SLC1A3: variants seen among roughly 807,000 people sequenced by gnomAD.
The protein encoded by SLC1A3 is solute carrier family 1 member 3, also known as excitatory amino acid transporter 1.
SLC1A3 carries 21 observed loss-of-function variants against 48.1 expected under a neutral mutation model. That is an observed-to-expected ratio of 0.44 (90% CI 0.31 to 0.63). The LOEUF is 0.63. SLC1A3 is among the 20% of genes least tolerant of loss of function. SLC1A3 has a pLI of 0.08. For synonymous variants in SLC1A3, 239 were observed against 251.4 expected (o/e 0.95, Z 0.47); for missense variants, 546 against 689.0 (o/e 0.79, Z 2.32).
At chr5:36,651,945 C>T (rs968312345) in intron 3 of SLC1A3, among the ~76,000 whole-genome samples, 1 of 152,166 alleles carries the variant, frequency 6.6e-6, no homozygotes, top group African/African-American at 2.4e-5. Context: ...GAAAGTATTA[C>T]ACTGCTTCCC....
At chr5:36,613,010 C>T (rs1739272319) in intron 2 of SLC1A3, 1 of 356,454 alleles carries the variant, frequency 2.8e-6, no homozygotes, top group Admixed American at 3.4e-5. Flanking sequence ...CAATGGCCCG[C>T]TTTCTGGTTT....
At chr5:36,597,395 C>T (rs557757941) in intron 1 of SLC1A3, among the ~76,000 whole-genome samples, 195 of 151,652 alleles carry the variant, frequency 1.3e-3, no homozygotes, top group Non-Finnish European at 2.0e-3. Context: ...AGGGGCACGC[C>T]GCCACGCCCG....
intron 3 of SLC1A3, among the ~76,000 whole-genome samples, chr5:36,651,420 G>A (rs1741066719): frequency 6.6e-6 from 1 of 152,076 alleles, no homozygotes; most frequent in Non-Finnish European, 1.5e-5. Context: ...AAGGTAGCAT[G>A]TTCTTCCTAA....
intron 3 of SLC1A3, among the ~76,000 whole-genome samples, chr5:36,636,990 G>A (rs1274385117): frequency 6.6e-6 from 1 of 152,088 alleles, no homozygotes; most frequent in East Asian, 1.9e-4. Context: ...GTGTTATTTG[G>A]CACAATTAGG....
rs1038146073 is a variant in SLC1A3, at chr5:36,683,911, C to T, written c.1337C>T (p.Ala446Val). The T allele has an allele frequency of 1.9e-6, 3 of 1,614,048 alleles. No individual in the cohort carries two copies. The highest frequency in any genetic ancestry group is 2.7e-5 in the African/African-American group (2 of 74,924). Residue 446 changes from alanine (A) to valine (V), a missense_variant, in exon 9 of 10, where the codon GCG becomes GTG. Ala to Val is a moderately conservative substitution (Grantham distance 64, BLOSUM62 0). This residue lies in a region of SLC1A3 where 142 missense variants were observed against 238.0 expected (regional missense o/e 0.60). Transcript: ENST00000265113. ...ASIGAAGIPQAGLVTMVIVLT... is the reference protein window; with the variant it reads ...ASIGAAGIPQVGLVTMVIVLT... ...ATTGGGGCAGCTGGAATTCCTCAGG[C>T]GGGCCTGGTCACTATGGTCATTGTG...
chr5:36,671,464 T>C (rs968262161), intron 4 of SLC1A3, among the ~76,000 whole-genome samples: 1 of 152,222 alleles, frequency 6.6e-6, no homozygotes, highest in Non-Finnish European at 1.5e-5. Context: ...TTTGAGAGCC[T>C]TGCTTTTCGG....
At chr5:36,667,308 C>G (rs1741790546) in intron 3 of SLC1A3, among the ~76,000 whole-genome samples, 2 of 152,206 alleles carry the variant, frequency 1.3e-5, no homozygotes, top group African/African-American at 4.8e-5. Context: ...TTAGGGAATA[C>G]TGAGTAATGG....
chr5:36,636,045 T>TTGTGTGTGTGTGTGTGTGTATG (rs1740332803), intron 3 of SLC1A3: 1 of 137,724 alleles, frequency 7.3e-6, no homozygotes, highest in Non-Finnish European at 1.5e-5. Context: ...AATTAAATGT[T>TTGTGTGTGTGTGTGTGTGTATG]TGTGTGTGTG....
At chr5:36,605,029 GCA>G (rs1738877437), upstream of SLC1A3, among the ~76,000 whole-genome samples, 1 of 152,022 alleles carries the variant, frequency 6.6e-6, no homozygotes, top group South Asian at 2.1e-4. Flanking sequence ...TAAACCAGAG[GCA>G]CCAATGTAAA....
intron 8 of SLC1A3, among the ~76,000 whole-genome samples, chr5:36,683,649 A>T (rs1195550698): frequency 6.6e-6 from 1 of 151,978 alleles, no homozygotes; most frequent in Non-Finnish European, 1.5e-5. Flanking sequence ...AAGAGGTTTC[A>T]GTGAGCCTAG....
At chr5:36,655,830 G>C (rs1377914340) in intron 3 of SLC1A3, among the ~76,000 whole-genome samples, 1 of 152,144 alleles carries the variant, frequency 6.6e-6, no homozygotes, top group Non-Finnish European at 1.5e-5. Flanking sequence ...TGACAGAATG[G>C]TTTCCAAGGG....
At chr5:36,684,846 C>A (rs1287632219) in intron 9 of SLC1A3, among the ~76,000 whole-genome samples, 6 of 152,140 alleles carry the variant, frequency 3.9e-5, no homozygotes, top group Non-Finnish European at 8.8e-5. Flanking sequence ...ACCCAACCAC[C>A]CTAGTTTCTA....
At chr5:36,609,115 C>T in intron 2 of SLC1A3, 1 of 985,358 alleles carries the variant, frequency 1.0e-6, no homozygotes, top group Non-Finnish European at 1.2e-6. Context: ...TCTCACCCAG[C>T]AACTGGGAAA....
chr5:36,651,162 A>G (rs1374042870), intron 3 of SLC1A3, among the ~76,000 whole-genome samples: 1 of 148,826 alleles, frequency 6.7e-6, no homozygotes, highest in African/African-American at 2.4e-5. Flanking sequence ...AAAAAAAAAA[A>G]AAAAGGAAAT....
chr5:36,644,470 T>A (rs370178200), intron 3 of SLC1A3, among the ~76,000 whole-genome samples: 2 of 152,340 alleles, frequency 1.3e-5, no homozygotes, highest in South Asian at 4.1e-4. Context: ...TTGTAGTGAA[T>A]AAAAATAAAG....
At chr5:36,608,635 T>G in intron 2 of SLC1A3, 31 bp downstream of exon 2, 1 of 1,603,742 alleles carries the variant, frequency 6.2e-7, no homozygotes, top group Non-Finnish European at 8.5e-7. Flanking sequence ...CAAAAAAACC[T>G]GTATCTTGTT....
intron 3 of SLC1A3, chr5:36,666,508 G>C (rs1296711059): frequency 6.6e-6 from 1 of 152,204 alleles, no homozygotes. Context: ...GAAACATCAT[G>C]GGGATAAGTG....
intron 2 of SLC1A3, among the ~76,000 whole-genome samples, chr5:36,615,314 G>A (rs1483805548): frequency 2.6e-5 from 4 of 152,184 alleles, no homozygotes; most frequent in East Asian, 1.9e-4. Flanking sequence ...ATCATTTTAA[G>A]TCTAGTTTAT....
At chr5:36,659,005 G>A (rs1044432243) in intron 3 of SLC1A3, among the ~76,000 whole-genome samples, 4 of 151,124 alleles carry the variant, frequency 2.6e-5, no homozygotes, top group Admixed American at 1.3e-4. Flanking sequence ...TTTTTACTGT[G>A]ATATATGGCT....
Sources: allele counts gnomAD v4.1 joint callset (sites outside exome capture counted in the v4.1 genomes callset), GRCh38; gene constraint gnomAD v4.1.1; regional missense constraint gnomAD v4.1.1; transcripts MANE v1.5; gene names NCBI Gene and HGNC (gene_info 2026-07-23, HGNC 2026-07-21).